The following PLB1 variants were observed in gnomAD, a reference collection of about 807,000 sequenced individuals.
PLB1 encodes phospholipase B1.
PLB1 carries 242 observed loss-of-function variants against 227.4 expected under a neutral mutation model. The ratio of observed to expected loss-of-function variants is 1.06; its 90% CI spans 0.96 to 1.18. The LOEUF (loss-of-function observed/expected upper bound fraction) is 1.18, where lower values mean the gene tolerates loss of function less well. PLB1 is among the 50% of genes most tolerant of loss of function. The pLI is 0.00. For missense variants in PLB1, 1,858 were observed against 1,816.3 expected (o/e 1.02, Z -0.42); for synonymous variants, 757 against 682.2 (o/e 1.11, Z -1.71).
chr2:28,551,696 CT>C (rs1389865239), intron 16 of PLB1, among the ~76,000 whole-genome samples: 1 of 152,224 alleles, frequency 6.6e-6, no homozygotes, highest in Non-Finnish European at 1.5e-5. Context: ...GATACTTAAC[CT>C]CTCTGTGCCT....
At chr2:28,581,494 T>TAAA (rs1289750477) in intron 23 of PLB1, among the ~76,000 whole-genome samples, 1 of 38,902 alleles carries the variant, frequency 2.6e-5, no homozygotes, top group African/African-American at 9.3e-5. Flanking sequence ...AAAAAATAAA[T>TAAA]AAATAAATAA....
intron 39 of PLB1, 87 bp from the exon 40 acceptor site, chr2:28,603,879 C>A: frequency 7.9e-7 from 1 of 1,262,806 alleles, no homozygotes; most frequent in Non-Finnish European, 1.1e-6. Context: ...GGAGCCTCTC[C>A]ACCCCTCCCC....
At position 28,563,040 on chromosome 2, in the gene PLB1, G is replaced by C; in HGVS notation, c.1148-1G>C. 6.2e-7 allele frequency: 1 copy of C among 1,613,314 alleles called. No homozygotes were observed. The highest frequency in any genetic ancestry group is 8.5e-7 in the Non-Finnish European group (1 of 1,179,316). ...CCACTCACTCCTGCTTATATTCTTA[G>C]TTCATAGGCTGAAGCCGGCTGACAT... On this transcript the variant is annotated splice_acceptor_variant, in intron 17 of 57. Transcript: ENST00000327757. LOFTEE classifies it high-confidence loss of function.
At chr2:28,611,936 C>T (rs1003694812) in intron 43 of PLB1, among the ~76,000 whole-genome samples, 6 of 152,030 alleles carry the variant, frequency 3.9e-5, no homozygotes, top group Admixed American at 1.3e-4. Context: ...GTCAGGAGAT[C>T]GAGACCATCC....
At chr2:28,587,052 C>A (rs1024192300) in intron 26 of PLB1, among the ~76,000 whole-genome samples, 2 of 152,174 alleles carry the variant, frequency 1.3e-5, no homozygotes, top group Admixed American at 6.5e-5. Flanking sequence ...CCAAGCCACA[C>A]TTCCTTCTGC....
chr2:28,540,274 G>A (rs1672295656), intron 11 of PLB1, 92 bp from the exon 12 acceptor site: 2 of 1,012,060 alleles, frequency 2.0e-6, no homozygotes, highest in Non-Finnish European at 3.1e-6. Flanking sequence ...CAACTCCTAT[G>A]CCCCTTCTTC....
chr2:28,573,402 C>A, intron 21 of PLB1, 97 bp downstream of exon 21: 1 of 895,956 alleles, frequency 1.1e-6, no homozygotes, highest in Non-Finnish European at 1.8e-6. Context: ...GGTTGAAGGG[C>A]TTTGTCAGAG....
At chr2:28,636,256 G>A (rs1036902256) in intron 56 of PLB1, among the ~76,000 whole-genome samples, 6 of 152,136 alleles carry the variant, frequency 3.9e-5, no homozygotes, top group African/African-American at 7.2e-5. Flanking sequence ...ACAAGGTTTC[G>A]CCATGTTGGC....
At chr2:28,586,340 T>TG (rs1680901901) in intron 26 of PLB1, among the ~76,000 whole-genome samples, 1 of 152,180 alleles carries the variant, frequency 6.6e-6, no homozygotes, top group Non-Finnish European at 1.5e-5. Flanking sequence ...TGGATGATCT[T>TG]GGGAGAGCAC....
rs1290606527 is a variant in PLB1, at chr2:28,629,169, G to A, written c.3802G>A (p.Ala1268Thr). 1.9e-6 allele frequency: 3 copies of A among 1,613,790 alleles called. No homozygotes were observed. The highest frequency in any genetic ancestry group is 1.1e-5 in the South Asian group (1 of 91,010). The change falls in exon 53 of 58, where the codon GCC becomes ACC. Residue 1268 changes from alanine to threonine, a missense_variant. Ala to Thr is a moderately conservative substitution (Grantham distance 58). Transcript: ENST00000327757. Reference protein sequence around the residue: ...SLYQGQGGKCAMLAAQNNCTC... With the variant: ...SLYQGQGGKCTMLAAQNNCTC... Reference sequence around the variant, plus strand: ...GTACCAGGGCCAAGGCGGGAAATGTGCCATGCTGGCAGCTCAGTAAGTGGA... The same window carrying A: ...GTACCAGGGCCAAGGCGGGAAATGTACCATGCTGGCAGCTCAGTAAGTGGA...
In PLB1 at chr2:28,563,487, T is replaced by C. The variant is rs570195785; in HGVS notation, c.1206+388T>C. Reference sequence around the variant, plus strand: ...TCCTCCAAGGATCCAGTGCTTTGTTTTGTCCATGTAGAAAAGCTAAGGGAA... The same window carrying C: ...TCCTCCAAGGATCCAGTGCTTTGTTCTGTCCATGTAGAAAAGCTAAGGGAA... On this transcript the variant is annotated intron_variant, in intron 18 of 57. Transcript: ENST00000327757. 4.7e-5 allele frequency among the ~76,000 whole-genome samples: 7 copies of C among 148,636 alleles called. No individual in the cohort carries two copies. In the South Asian group the frequency reaches 1.5e-3, roughly 32 times the overall value.
intron 49 of PLB1, among the ~76,000 whole-genome samples, chr2:28,624,830 C>CGAGTGG (rs1379300730): frequency 6.6e-6 from 1 of 152,168 alleles, no homozygotes; most frequent in Non-Finnish European, 1.5e-5. Flanking sequence ...GATCCCAACC[C>CGAGTGG]GAGTGGCCGA....
In PLB1 at chr2:28,532,180, C is replaced by A; in HGVS notation, c.541C>A (p.Pro181Thr). ...FSNASQCYLCPSAQQNGLAAG... is the reference protein window; with the variant it reads ...FSNASQCYLCTSAQQNGLAAG... ...TAATGCAAGCCAGTGTTACCTGTGC[C>A]CCTCTGCTCAACAGGTAAATGGCAG... Residue 181 changes from proline to threonine, a missense_variant, in exon 9 of 58, where the codon CCC becomes ACC. Physicochemically the swap from Pro to Thr is conservative, Grantham distance 38. Transcript: ENST00000327757. 6.2e-7 allele frequency: 1 copy of A among 1,611,764 alleles called. No individual in the cohort carries two copies. Among genetic ancestry groups the A allele is most frequent in the African/African-American group, 1.3e-5 (1 of 74,954 alleles).
chr2:28,523,144 A>G (rs1295672637), intron 4 of PLB1, among the ~76,000 whole-genome samples: 1 of 152,150 alleles, frequency 6.6e-6, no homozygotes, highest in African/African-American at 2.4e-5. Flanking sequence ...ACACATGTTC[A>G]ATATAAGAAA....
chr2:28,585,071 G>A (rs1412181864), intron 25 of PLB1, among the ~76,000 whole-genome samples: 3 of 152,126 alleles, frequency 2.0e-5, no homozygotes, highest in East Asian at 3.9e-4. Context: ...AGTGTTCAAT[G>A]TTAATTATTC....
rs765559609 is a variant in PLB1 at position 28,565,322 on chromosome 2, G to C, written c.1249G>C (p.Val417Leu). Reference protein sequence around the residue: ...AGSTPGNVLDVLTQYRGLSWS... With the variant: ...AGSTPGNVLDLLTQYRGLSWS... Reference sequence around the variant, plus strand: ...GTCCACACCTGGGAACGTCTTGGACGTCTTGACTCAGTACCGAGGCCTGTC... The same window carrying C: ...GTCCACACCTGGGAACGTCTTGGACCTCTTGACTCAGTACCGAGGCCTGTC... The change falls in exon 19 of 58, where the codon GTC (valine) becomes CTC (leucine). Residue 417 changes from valine (V) to leucine (L), a missense_variant. Coordinates refer to ENST00000327757, the MANE Select transcript of PLB1 (RefSeq NM_153021.5). 5.6e-6 allele frequency: 9 copies of C among 1,611,574 alleles called. No individual in the cohort carries two copies. In the Admixed American group the frequency reaches 1.5e-4, roughly 27 times the overall value.
intron 42 of PLB1, 54 bp downstream of exon 42, chr2:28,606,002 A>C (rs1573382113): frequency 1.8e-5 from 25 of 1,391,272 alleles, no homozygotes; most frequent in African/African-American, 1.4e-5. Flanking sequence ...AGGGCAGGGC[A>C]CCAGCCCCTA....
At chr2:28,566,955 A>C in intron 20 of PLB1, 116 bp downstream of exon 20, 4 of 1,091,786 alleles carry the variant, frequency 3.7e-6, no homozygotes, top group Non-Finnish European at 5.3e-6. Context: ...AGCCCGCTAA[A>C]TTCACCAGGG....
At chr2:28,511,303 GT>G (rs888890726) in intron 1 of PLB1, among the ~76,000 whole-genome samples, 8 of 150,258 alleles carry the variant, frequency 5.3e-5, no homozygotes, top group African/African-American at 9.8e-5. Context: ...CATTCTTTGT[GT>G]TTTTTTTTCT....
Sources: allele counts gnomAD v4.1 joint callset (sites outside exome capture counted in the v4.1 genomes callset), GRCh38; gene constraint gnomAD v4.1.1; transcripts MANE v1.5; gene names NCBI Gene and HGNC (gene_info 2026-07-23, HGNC 2026-07-21).